MYL2: variants seen among roughly 807,000 people sequenced by gnomAD.
MYL2 encodes the protein myosin light chain 2, also known as myosin regulatory light chain 2, ventricular/cardiac muscle isoform.
MYL2 carries 19 observed loss-of-function variants against 23.0 expected under a neutral mutation model. The ratio of observed to expected loss-of-function variants is 0.83; its 90% CI spans 0.58 to 1.21. The LOEUF is 1.21. Among genes scored for constraint, MYL2 ranks in the 50% most tolerant of loss-of-function variants. The pLI, the probability that MYL2 is intolerant of heterozygous loss-of-function variation, is 0.00. For synonymous variants in MYL2, 78 were observed against 76.2 expected, an observed-to-expected ratio of 1.02 and a Z score of -0.13; for missense variants, 180 against 215.1, an observed-to-expected ratio of 0.84 and a Z score of 1.02.
Position 110,911,158 on chromosome 12 carries a change from G to A in MYL2, c.420C>T (p.Ala140=), listed in dbSNP as rs369489428. ...FSKEEVDQMF[A]AFPPDVTGNL... is the part of the protein sequence containing the mutation. ...TGCCAGTCACGTCAGGGGGGAAGGC[G>A]GCGAACATCTGGTCAACCTGCAATG... The change falls in exon 7 of 7, where the codon GCC becomes GCT. Residue 140 remains alanine (A), a synonymous_variant. Coordinates refer to ENST00000228841, the MANE Select transcript of MYL2 (RefSeq NM_000432.4). The A allele has an allele frequency of 6.2e-7, 1 of 1,613,408 alleles. No homozygotes were observed. Among genetic ancestry groups the A allele is most frequent in the Non-Finnish European group, 8.5e-7 (1 of 1,179,836 alleles).
In MYL2 at chr12:110,919,119, G is replaced by A. The variant is rs755926255; in HGVS notation, c.78C>T (p.Ile26=). ...NVFSMFEQTQ[I]QEFKEAFTIM... is the part of the protein sequence containing the mutation. ...CTGCACCCACCTCCTTAAATTCCTG[G>A]ATTTGGGTCTGTTCGAACATGGAGA... Residue 26 remains isoleucine, a synonymous_variant, in exon 2 of 7, where the codon ATC becomes ATT. Coordinates refer to ENST00000228841, the MANE Select transcript of MYL2 (RefSeq NM_000432.4). 4 of 1,613,982 alleles carry A rather than the reference G, an allele frequency of 2.5e-6. No individual in the cohort carries two copies. Among genetic ancestry groups the A allele is most frequent in the Middle Eastern group, 1.7e-4 (1 of 5,968 alleles).
chr12:110,915,751 C>G lies in MYL2; in HGVS notation c.133G>C (p.Asp45His). ...AAGGTGTCTCTCAGATCGTTCTTGTCAATGAAGCCATCCCTGTTCTGGTCC... is the reference window on the plus strand; with the variant it reads ...AAGGTGTCTCTCAGATCGTTCTTGTGAATGAAGCCATCCCTGTTCTGGTCC... ...IMDQNRDGFI[D>H]KNDLRDTFAA... Residue 45 changes from aspartate (D) to histidine (H), a missense_variant, in exon 3 of 7, where the codon GAC becomes CAC. By Grantham distance (81) the Asp-to-His change is moderately conservative. Transcript: ENST00000228841. 4.3e-6 allele frequency: 7 copies of G among 1,614,168 alleles called. No individual in the cohort carries two copies. Among genetic ancestry groups the G allele is most frequent in the Non-Finnish European group, 5.9e-6 (7 of 1,180,018 alleles).
rs762185101 is a variant in MYL2, at chr12:110,919,152, G to A, written c.45C>T (p.Ser15=). ...KAKKRAGGAN[S]NVFSMFEQTQ... is the part of the protein sequence containing the mutation. ...TCTGTTCGAACATGGAGAACACGTT[G>A]GAGTTGGCGCCCCCGGCTCTCTTCT... Residue 15 remains serine, a synonymous_variant, in exon 2 of 7, where the codon TCC becomes TCT. Transcript: ENST00000228841. 22 of 1,613,768 alleles carry A rather than the reference G, an allele frequency of 1.4e-5. No homozygotes were observed. Among genetic ancestry groups the A allele is most frequent in the Non-Finnish European group, 1.9e-5 (22 of 1,180,032 alleles).
At chr12:110,919,070 C>T in intron 2 of MYL2, 34 bp downstream of exon 2, 1 of 1,595,984 alleles carries the variant, frequency 6.3e-7, no homozygotes, top group Non-Finnish European at 8.6e-7. Flanking sequence ...GGTGGGATTT[C>T]CATCCAGGCG....
chr12:110,916,167 C>T (rs1481344075), intron 2 of MYL2, among the ~76,000 whole-genome samples: 1 of 152,188 alleles, frequency 6.6e-6, no homozygotes, highest in African/African-American at 2.4e-5. Context: ...GAAACTCCGT[C>T]TCTATTAAAA....
At chr12:110,911,610 C>A (rs2071653618) in intron 6 of MYL2, among the ~76,000 whole-genome samples, 2 of 152,198 alleles carry the variant, frequency 1.3e-5, no homozygotes, top group Non-Finnish European at 2.9e-5. Flanking sequence ...ACCCCAAGGG[C>A]CCTCCCAAGT....
upstream of MYL2, among the ~76,000 whole-genome samples, chr12:110,921,286 G>A (rs936943947): frequency 2.6e-5 from 4 of 152,166 alleles, no homozygotes; most frequent in African/African-American, 4.8e-5. Flanking sequence ...ACTTGGGCCC[G>A]GGAGGTTGAG....
At chr12:110,920,734 G>T, upstream of MYL2, 1 of 693,338 alleles carries the variant, frequency 1.4e-6, no homozygotes, top group Non-Finnish European at 2.5e-6. Context: ...CTCGCCACTG[G>T]GTGACACGTG....
At chr12:110,911,766 A>G (rs1213930025) in intron 6 of MYL2, among the ~76,000 whole-genome samples, 1 of 152,250 alleles carries the variant, frequency 6.6e-6, no homozygotes, top group East Asian at 1.9e-4. Flanking sequence ...AAAAGGTGAC[A>G]TGAAGTGACC....
intron 2 of MYL2, 46 bp from the exon 3 acceptor site, chr12:110,915,836 A>G (rs372756453): frequency 2.9e-5 from 45 of 1,551,162 alleles, no homozygotes; most frequent in African/African-American, 4.1e-5. Context: ...AGAAACTGGC[A>G]GAGTTGCCCA....
rs977023771 is a variant in MYL2, at chr12:110,913,150, G to A, written c.354-6C>T. The stretch of plus-strand genomic sequence containing the variant: ...TGGTCAGCATTTCCCGAACGCTGCA[G>A]AGAAAGGAAAGCAGGTGTTGGTGTC... On this transcript the variant is annotated splice_region_variant and splice_polypyrimidine_tract_variant and intron_variant, in intron 5 of 6. Coordinates refer to ENST00000228841, the MANE Select transcript of MYL2 (RefSeq NM_000432.4). 6.2e-7 allele frequency: 1 copy of A among 1,614,254 alleles called. No homozygotes were observed. The highest frequency in any genetic ancestry group is 1.1e-5 in the South Asian group (1 of 91,092).
chr12:110,911,975 T>C (rs2071655773), intron 6 of MYL2, among the ~76,000 whole-genome samples: 1 of 152,222 alleles, frequency 6.6e-6, no homozygotes, highest in African/African-American at 2.4e-5. Context: ...ATGAGGTAGC[T>C]TCTATTATTA....
upstream of MYL2, chr12:110,920,821 T>C (rs1194107005): frequency 1.8e-6 from 1 of 560,646 alleles, no homozygotes; most frequent in East Asian, 3.0e-5. Flanking sequence ...GCGCGCTCTC[T>C]GCGGTGCTTG....
At chr12:110,912,002 G>A (rs2071655853) in intron 6 of MYL2, among the ~76,000 whole-genome samples, 1 of 152,184 alleles carries the variant, frequency 6.6e-6, no homozygotes, top group South Asian at 2.1e-4. Context: ...CTTTACAGAT[G>A]AGGAAATTGA....
At position 110,918,964 on chromosome 12, in the gene MYL2, C is replaced by A; in HGVS notation, c.93+140G>T. The A allele has an allele frequency of 1.4e-6, 1 of 712,264 alleles. No individual in the cohort carries two copies. Among genetic ancestry groups the A allele is most frequent in the South Asian group, 1.7e-5 (1 of 58,400 alleles). 44.1% of individuals were successfully genotyped at this position (712,264 alleles called of 1,614,324 possible). On this transcript the variant is annotated intron_variant, in intron 2 of 6. Transcript: ENST00000228841. This position sits in a 1 kb window ranked among gnomAD's most constrained non-coding sequence, Gnocchi z 4.4. ...TAGTTTCTTTTAAAAATTCACACATCCGTTCAGGCCGAATTTGGGATTGTT... is the reference window on the plus strand; with the variant it reads ...TAGTTTCTTTTAAAAATTCACACATACGTTCAGGCCGAATTTGGGATTGTT...
chr12:110,914,046 C>T, intron 4 of MYL2, 140 bp downstream of exon 4: 1 of 730,484 alleles, frequency 1.4e-6, no homozygotes, highest in Non-Finnish European at 2.4e-6. Context: ...GCATCAGCCA[C>T]TGCGCCCAGC....
chr12:110,919,229 G>T (rs770204363), intron 1 of MYL2, 36 bp from the exon 2 acceptor site: 1 of 1,589,448 alleles, frequency 6.3e-7, no homozygotes, highest in African/African-American at 1.3e-5. Context: ...AGAGTGAGAG[G>T]CTGGGAGTCA....
intron 3 of MYL2, among the ~76,000 whole-genome samples, chr12:110,915,504 G>T (rs563739776): frequency 1.3e-4 from 19 of 149,476 alleles, no homozygotes; most frequent in African/African-American, 3.5e-4. Context: ...ACACAAAAAA[G>T]TTATTTCAAG....
rs371784522 is a variant in MYL2, at chr12:110,915,708, G to A, written c.169+7C>T. 2 of 1,613,684 alleles carry A rather than the reference G, an allele frequency of 1.2e-6. No homozygotes were observed. The highest frequency in any genetic ancestry group is 1.3e-5 in the African/African-American group (1 of 75,038). ...ACCCTCATGCAGGGCTAGAGAGGGTGACATACCAAGGGCAGCAAAGGTGTC... is the reference window on the plus strand; with the variant it reads ...ACCCTCATGCAGGGCTAGAGAGGGTAACATACCAAGGGCAGCAAAGGTGTC... On this transcript the variant is annotated splice_region_variant and intron_variant, in intron 3 of 6. Coordinates refer to ENST00000228841, the MANE Select transcript of MYL2 (RefSeq NM_000432.4).
Sources: gnomAD v4.1 joint callset for allele counts (sites outside exome capture counted in the v4.1 genomes callset) on GRCh38, gnomAD v4.1.1 for gene constraint, Gnocchi (gnomAD v3.1) non-coding constraint, MANE v1.5 for transcripts, NCBI Gene and HGNC (gene_info 2026-07-23, HGNC 2026-07-21) for gene names.